Variants in SESTD1 observed in about 807,000 individuals in gnomAD.
SESTD1 encodes the protein SEC14 and spectrin domain containing 1.
Under a neutral mutation model 101.7 loss-of-function variants are expected in SESTD1, and 43 were observed. That is an observed-to-expected ratio of 0.42 (90% confidence interval 0.33 to 0.55). The LOEUF is 0.55. Ranked by LOEUF, SESTD1 falls within the 20% of genes least tolerant of loss-of-function variation. The probability of loss-of-function intolerance (pLI) is 0.07; values close to 1 mark genes in which losing one functional copy is unlikely to be tolerated. For synonymous variants in SESTD1, 283 were observed against 286.8 expected, an observed-to-expected ratio of 0.99 and a Z score of 0.13; for missense variants, 647 against 815.1, an observed-to-expected ratio of 0.79 and a Z score of 2.51.
intron 15 of SESTD1, chr2:179,116,430 CG>C: frequency 1.8e-6 from 1 of 549,884 alleles, no homozygotes; most frequent in Non-Finnish European, 3.2e-6. Flanking sequence ...TTAAAAATGC[CG>C]TAATACATAG....
chr2:179,199,883 C>G (rs2046477802), intron 1 of SESTD1, among the ~76,000 whole-genome samples: 1 of 152,166 alleles, frequency 6.6e-6, no homozygotes, highest in Non-Finnish European at 1.5e-5. Context: ...GATGCCCTCT[C>G]TCACCACTCC....
intron 9 of SESTD1, among the ~76,000 whole-genome samples, chr2:179,140,086 C>T (rs10084475): frequency 0.18 from 26,757 of 152,024 alleles, 2,664 homozygotes; most frequent in South Asian, 0.28. Flanking sequence ...GTTGGGAACT[C>T]GATAGTATTA....
At chr2:179,177,468 C>G (rs1407655169) in intron 3 of SESTD1, among the ~76,000 whole-genome samples, 1 of 152,068 alleles carries the variant, frequency 6.6e-6, no homozygotes, top group Non-Finnish European at 1.5e-5. Flanking sequence ...ATAAACAGAC[C>G]TTTTCCTGGG....
intron 1 of SESTD1, among the ~76,000 whole-genome samples, chr2:179,196,161 G>T (rs759404306): frequency 1.3e-5 from 2 of 152,194 alleles, no homozygotes; most frequent in South Asian, 4.1e-4. Flanking sequence ...AAGGGGTCAG[G>T]GAGTTCCCTT....
At chr2:179,170,814 G>A (rs1281959853) in intron 5 of SESTD1, among the ~76,000 whole-genome samples, 1 of 152,148 alleles carries the variant, frequency 6.6e-6, no homozygotes, top group African/African-American at 2.4e-5. Flanking sequence ...AGAGTTTCTG[G>A]GTTGATAAAC....
In SESTD1 at chr2:179,167,675, A is replaced by T. The variant is rs76349467; in HGVS notation, c.369+4445T>A. Among the ~76,000 whole-genome samples, 362 of 152,362 alleles carry T rather than the reference A, an allele frequency of 2.4e-3. 1 individual carries two copies. Among genetic ancestry groups the T allele is most frequent in the Non-Finnish European group, 3.6e-3 (245 of 68,030 alleles). On this transcript the variant is annotated intron_variant, in intron 5 of 17. Coordinates refer to ENST00000428443, the MANE Select transcript of SESTD1 (RefSeq NM_178123.5). ...AAATAACATACACAGAGGACCAAAG[A>T]TATAAATAACAGCGGCCTTCTTGTC...
intron 11 of SESTD1, among the ~76,000 whole-genome samples, chr2:179,124,105 GAGA>G (rs1316316772): frequency 6.6e-6 from 1 of 152,028 alleles, no homozygotes; most frequent in African/African-American, 2.4e-5. Flanking sequence ...CATAAACATT[GAGA>G]AGGAGTCAAA....
intron 5 of SESTD1, among the ~76,000 whole-genome samples, chr2:179,168,649 T>G (rs1335666127): frequency 6.6e-6 from 1 of 152,124 alleles, no homozygotes; most frequent in Non-Finnish European, 1.5e-5. Context: ...TTAAAAGAAG[T>G]ACTTTAGGCA....
At chr2:179,174,457 A>G in intron 4 of SESTD1, 1 of 468,952 alleles carries the variant, frequency 2.1e-6, no homozygotes, top group South Asian at 1.6e-5. Context: ...CAAACAGCTC[A>G]TCTGTGACAC....
chr2:179,110,735 TCAAA>T (rs1344672924), intron 17 of SESTD1, among the ~76,000 whole-genome samples: 3 of 152,128 alleles, frequency 2.0e-5, no homozygotes, highest in Middle Eastern at 3.2e-3. Context: ...GTCTAACCTG[TCAAA>T]CAAACTATAC....
intron 1 of SESTD1, among the ~76,000 whole-genome samples, chr2:179,232,917 G>T (rs766758988): frequency 6.6e-6 from 1 of 152,144 alleles, no homozygotes; most frequent in Non-Finnish European, 1.5e-5. Flanking sequence ...GAGAAGATGA[G>T]TGGAGAAGTG....
chr2:179,111,750 T>C (rs949131557), intron 17 of SESTD1, among the ~76,000 whole-genome samples: 2 of 150,814 alleles, frequency 1.3e-5, no homozygotes, highest in South Asian at 4.2e-4. Context: ...GACGGAGTCT[T>C]GCTCTGTCAC....
At chr2:179,119,124 G>A (rs2044695479) in intron 13 of SESTD1, among the ~76,000 whole-genome samples, 1 of 152,200 alleles carries the variant, frequency 6.6e-6, no homozygotes, top group African/African-American at 2.4e-5. Flanking sequence ...AACTCCATCT[G>A]AGCAAACAGG....
chr2:179,184,239 T>C (rs889560471), intron 2 of SESTD1, among the ~76,000 whole-genome samples: 1 of 152,170 alleles, frequency 6.6e-6, no homozygotes, highest in African/African-American at 2.4e-5. Context: ...CTGAAGCCCA[T>C]CTTCTGACCA....
intron 1 of SESTD1, among the ~76,000 whole-genome samples, chr2:179,253,794 T>C (rs2047353219): frequency 6.6e-6 from 1 of 152,166 alleles, no homozygotes; most frequent in African/African-American, 2.4e-5. Flanking sequence ...TAATGTGTCC[T>C]CTTACACCTT....
chr2:179,241,389 C>CA (rs896134663), intron 1 of SESTD1, among the ~76,000 whole-genome samples: 1 of 151,530 alleles, frequency 6.6e-6, no homozygotes, highest in South Asian at 2.1e-4. Flanking sequence ...GGGACACACA[C>CA]AAAAAAAATC....
intron 1 of SESTD1, among the ~76,000 whole-genome samples, chr2:179,239,978 T>C (rs2047126271): frequency 6.6e-6 from 1 of 152,164 alleles, no homozygotes; most frequent in African/African-American, 2.4e-5. Flanking sequence ...CTTCACATCT[T>C]CTGAAACAAC....
intron 1 of SESTD1, among the ~76,000 whole-genome samples, chr2:179,248,744 T>C (rs1371999490): frequency 6.6e-6 from 1 of 151,896 alleles, no homozygotes; most frequent in Non-Finnish European, 1.5e-5. Flanking sequence ...TTAAAGCTAA[T>C]ATTATACTCA....
chr2:179,191,973 A>G, intron 1 of SESTD1, 107 bp from the exon 2 acceptor site: 1 of 741,468 alleles, frequency 1.3e-6, no homozygotes, highest in Non-Finnish European at 2.3e-6. Flanking sequence ...AACTACTGAC[A>G]TTTTGAGCAA....
Sources: gnomAD v4.1 joint callset for allele counts (sites outside exome capture counted in the v4.1 genomes callset) on GRCh38, gnomAD v4.1.1 for gene constraint, MANE v1.5 for transcripts, NCBI Gene and HGNC (gene_info 2026-07-23, HGNC 2026-07-21) for gene names.